Variants in TAFA2 observed in about 807,000 individuals in gnomAD.
TAFA2 encodes chemokine-like protein TAFA-2.
Under a neutral mutation model 18.8 loss-of-function variants are expected in TAFA2, and 7 were observed. The observed-to-expected ratio is 0.37, with a 90% CI of 0.21 to 0.70. The LOEUF (loss-of-function observed/expected upper bound fraction) is 0.70, where lower values mean the gene tolerates loss of function less well. TAFA2 is among the 30% of genes least tolerant of loss of function. The pLI is 0.53. For missense variants in TAFA2, 122 were observed against 158.1 expected, an observed-to-expected ratio of 0.77 and a Z score of 1.23; for synonymous variants, 60 against 54.2, an observed-to-expected ratio of 1.11 and a Z score of -0.47.
At chr12:61,711,715 T>C (rs1337757493) in intron 4 of TAFA2, among the ~76,000 whole-genome samples, 1 of 152,036 alleles carries the variant, frequency 6.6e-6, no homozygotes, top group African/African-American at 2.4e-5. Context: ...GTCATCTCAT[T>C]TCTGTCTCAG....
At chr12:62,148,101 A>C (rs991535696) in intron 1 of TAFA2, among the ~76,000 whole-genome samples, 6 of 152,214 alleles carry the variant, frequency 3.9e-5, no homozygotes. Context: ...ATGTATGCTT[A>C]TACACTGTTG....
At chr12:61,850,602 C>T (rs1203720945) in intron 2 of TAFA2, among the ~76,000 whole-genome samples, 1 of 151,930 alleles carries the variant, frequency 6.6e-6, no homozygotes, top group African/African-American at 2.4e-5. Flanking sequence ...GGAAATCTAT[C>T]TTTTATTTTC....
At chr12:61,748,102 A>G (rs539126703) in intron 4 of TAFA2, among the ~76,000 whole-genome samples, 11 of 151,910 alleles carry the variant, frequency 7.2e-5, no homozygotes, top group Middle Eastern at 3.4e-3. Context: ...AGGTGATAAC[A>G]GCAATTTATG....
At chr12:61,805,686 A>C (rs144320553) in intron 2 of TAFA2, among the ~76,000 whole-genome samples, 347 of 152,240 alleles carry the variant, frequency 2.3e-3, no homozygotes, top group Non-Finnish European at 4.1e-3. Context: ...ATACCTGCAG[A>C]AACAGGACCT....
chr12:61,812,347 T>C (rs1871905378), intron 2 of TAFA2, among the ~76,000 whole-genome samples: 1 of 151,438 alleles, frequency 6.6e-6, no homozygotes, highest in Admixed American at 6.5e-5. Context: ...GATGTCCTGA[T>C]TGTATCTGGC....
In TAFA2 at chr12:61,754,949, C is replaced by T. The variant is rs759882562; in HGVS notation, c.182G>A (p.Arg61Gln). Residue 61 changes from arginine (R) to glutamine (Q), a missense_variant, in exon 3 of 5, where the codon CGG (arginine) becomes CAG (glutamine). By Grantham distance (43) the Arg-to-Gln change is conservative. Around this residue, in one of 2 missense-constraint regions of TAFA2, gnomAD observed 60 missense variants for 102.7 expected, o/e 0.58. Transcript: ENST00000416284. The part of the protein sequence containing the change: ...RCCNKNKIEE[R>Q]SQTVKCSCFP... ...GCAGGAGCACTTGACTGTTTGTGAC[C>T]GTTCTTCTATCTTGTTCTTATTACA... The T allele has an allele frequency of 3.1e-6, 5 of 1,612,946 alleles. No individual in the cohort carries two copies. Among genetic ancestry groups the T allele is most frequent in the East Asian group, 2.2e-5 (1 of 44,712 alleles).
intron 2 of TAFA2, among the ~76,000 whole-genome samples, chr12:61,756,261 C>A (rs553497203): frequency 2.6e-5 from 4 of 152,132 alleles, no homozygotes; most frequent in South Asian, 2.1e-4. Context: ...CTCAATAGAA[C>A]CTTCAAGAGG....
At chr12:62,156,593 T>A (rs112433650) in intron 1 of TAFA2, among the ~76,000 whole-genome samples, 4 of 151,974 alleles carry the variant, frequency 2.6e-5, no homozygotes, top group Non-Finnish European at 5.9e-5. Context: ...AATATATATA[T>A]AATATATATG....
chr12:61,767,765 G>T (rs1869853030), intron 2 of TAFA2, among the ~76,000 whole-genome samples: 1 of 151,742 alleles, frequency 6.6e-6, no homozygotes, highest in Non-Finnish European at 1.5e-5. Context: ...TTATTAAAGA[G>T]GACAAGGATG....
rs572715223 is a variant in TAFA2 at position 61,926,676 on chromosome 12, A to G, written c.-1-59250T>C. Reference sequence around the variant, plus strand: ...TCATGCTAAAAACTCTCAATAAATTAGGTATTGATGGAATGTATCTGAAAA... The same window carrying G: ...TCATGCTAAAAACTCTCAATAAATTGGGTATTGATGGAATGTATCTGAAAA... On this transcript the variant is annotated intron_variant, in intron 1 of 4. Coordinates refer to ENST00000416284, the MANE Select transcript of TAFA2 (RefSeq NM_178539.5). Among the ~76,000 whole-genome samples the G allele has an allele frequency of 2.6e-5, 4 of 152,316 alleles. No homozygotes were observed. In the East Asian group the frequency reaches 5.8e-4, roughly 22 times the overall value.
intron 1 of TAFA2, among the ~76,000 whole-genome samples, chr12:62,212,909 G>A (rs115684138): frequency 0.015 from 2,352 of 152,216 alleles, 82 homozygotes; most frequent in African/African-American, 0.054. Context: ...ATTAACAGAA[G>A]ATTAAAACTT....
intron 1 of TAFA2, among the ~76,000 whole-genome samples, chr12:62,228,852 T>C (rs2062799752): frequency 6.6e-6 from 1 of 152,176 alleles, no homozygotes; most frequent in African/African-American, 2.4e-5. Flanking sequence ...TTAATGAGTA[T>C]GGAATATCTT....
chr12:62,138,849 G>C (rs2062218103), intron 1 of TAFA2, among the ~76,000 whole-genome samples: 1 of 152,166 alleles, frequency 6.6e-6, no homozygotes. Context: ...ATTTAAAATA[G>C]CCTTTGCAGA....
In TAFA2 at chr12:61,782,927, A is replaced by T. The variant is rs143218772; in HGVS notation, c.107-27903T>A. ...TGTTTCCCCTAGGAAAATTCCAAAA[A>T]GCACATTAATTTCCTGATAATAAAG... On this transcript the variant is annotated intron_variant, in intron 2 of 4. Coordinates refer to ENST00000416284, the MANE Select transcript of TAFA2 (RefSeq NM_178539.5). Among the ~76,000 whole-genome samples the T allele has an allele frequency of 6.3e-3, 956 of 151,902 alleles. 9 individuals are homozygous for T. Among genetic ancestry groups the T allele is most frequent in the African/African-American group, 0.022 (895 of 41,500 alleles).
chr12:61,874,517 T>C (rs1460522505), intron 1 of TAFA2, among the ~76,000 whole-genome samples: 1 of 152,150 alleles, frequency 6.6e-6, no homozygotes, highest in Non-Finnish European at 1.5e-5. Flanking sequence ...TTTTATACTT[T>C]CATTCATTTC....
chr12:62,188,715 A>G (rs966013132), intron 1 of TAFA2, among the ~76,000 whole-genome samples: 2 of 152,224 alleles, frequency 1.3e-5, no homozygotes, highest in Non-Finnish European at 2.9e-5. Context: ...CACTGGATCC[A>G]GGACTACTAA....
At chr12:61,765,588 T>C (rs930905702) in intron 2 of TAFA2, among the ~76,000 whole-genome samples, 2 of 152,060 alleles carry the variant, frequency 1.3e-5, no homozygotes, top group African/African-American at 4.8e-5. Flanking sequence ...TTGAGAAAAT[T>C]GTTTTATCTC....
chr12:62,029,843 GT>G (rs1881409028), intron 1 of TAFA2, among the ~76,000 whole-genome samples: 1 of 131,208 alleles, frequency 7.6e-6, no homozygotes, highest in African/African-American at 2.9e-5. Context: ...CTCTCTCTCT[GT>G]CATGCAGACA....
Position 62,150,645 on chromosome 12 carries a change from G to A in TAFA2, c.-2+40614C>T, listed in dbSNP as rs553730823. On this transcript the variant is annotated intron_variant, in intron 1 of 4. Coordinates refer to ENST00000416284, the MANE Select transcript of TAFA2 (RefSeq NM_178539.5). ...TGGCTGGGCATGGTGGCTCACACCTGTAATCACAGCACTTTGGGAGGCCGA... is the reference window on the plus strand; with the variant it reads ...TGGCTGGGCATGGTGGCTCACACCTATAATCACAGCACTTTGGGAGGCCGA... Among the ~76,000 whole-genome samples, 28 of 152,246 alleles carry A rather than the reference G, an allele frequency of 1.8e-4. No individual in the cohort carries two copies. In the South Asian group the frequency reaches 5.0e-3, roughly 27 times the overall value.
Sources: gnomAD v4.1 joint callset for allele counts (sites outside exome capture counted in the v4.1 genomes callset) on GRCh38, gnomAD v4.1.1 for gene constraint, gnomAD v4.1.1 regional missense constraint, MANE v1.5 for transcripts, NCBI Gene and HGNC (gene_info 2026-07-23, HGNC 2026-07-21) for gene names.